Variants in GTF2A1L observed in about 807,000 individuals in gnomAD.
The protein encoded by GTF2A1L is general transcription factor IIA subunit 1 like.
In GTF2A1L, 48 loss-of-function variants were observed where a neutral mutation model predicts 49.7. The ratio of observed to expected loss-of-function variants is 0.97; its 90% CI spans 0.77 to 1.23. The LOEUF (loss-of-function observed/expected upper bound fraction) is 1.23. Among genes scored for constraint, GTF2A1L ranks in the 50% most tolerant of loss-of-function variants. The pLI, the probability that GTF2A1L is intolerant of heterozygous loss-of-function variation, is 0.00. For missense variants in GTF2A1L, 736 were observed against 564.8 expected (o/e 1.30, Z -3.07); for synonymous variants, 246 against 193.5 (o/e 1.27, Z -2.25).
At chr2:48,659,326 A>G (rs578054793) in intron 6 of GTF2A1L, among the ~76,000 whole-genome samples, 1 of 152,278 alleles carries the variant, frequency 6.6e-6, no homozygotes, top group Non-Finnish European at 1.5e-5. Flanking sequence ...AGTAATTCAT[A>G]TATTTGATTG....
At chr2:48,658,205 A>C (rs552309720) in intron 6 of GTF2A1L, among the ~76,000 whole-genome samples, 56 of 152,106 alleles carry the variant, frequency 3.7e-4, no homozygotes, top group African/African-American at 1.3e-3. Flanking sequence ...GTGTTTCTCA[A>C]GTTTTTTCTA....
At chr2:48,624,494 G>C (rs1414983800) in intron 3 of GTF2A1L, among the ~76,000 whole-genome samples, 1 of 142,630 alleles carries the variant, frequency 7.0e-6, no homozygotes, top group Non-Finnish European at 1.6e-5. Context: ...ATAGTGAAGA[G>C]GTTGGTATAG....
intron 6 of GTF2A1L, among the ~76,000 whole-genome samples, chr2:48,666,560 T>G (rs1678852569): frequency 6.6e-6 from 1 of 151,492 alleles, no homozygotes; most frequent in Admixed American, 6.6e-5. Flanking sequence ...TTATATTCAA[T>G]ATAGTTATTA....
At chr2:48,652,923 T>C (rs995882611) in intron 6 of GTF2A1L, among the ~76,000 whole-genome samples, 1 of 151,614 alleles carries the variant, frequency 6.6e-6, no homozygotes, top group Non-Finnish European at 1.5e-5. Flanking sequence ...CTCGAACTAA[T>C]TGACTTTAAA....
At chr2:48,676,699 A>G (rs1045513516) in intron 8 of GTF2A1L, among the ~76,000 whole-genome samples, 3 of 151,612 alleles carry the variant, frequency 2.0e-5, no homozygotes, top group African/African-American at 7.2e-5. Context: ...TGGATCTGTC[A>G]ATCTTTAATT....
chr2:48,655,412 A>G (rs1678115830), intron 6 of GTF2A1L, among the ~76,000 whole-genome samples: 1 of 152,194 alleles, frequency 6.6e-6, no homozygotes, highest in Admixed American at 6.5e-5. Context: ...GTTTGTCTCA[A>G]ATGCCTGGCC....
chr2:48,661,247 CTTTTTTTTTTTTTTTT>C (rs70946820), intron 6 of GTF2A1L, among the ~76,000 whole-genome samples: 1 of 62,750 alleles, frequency 1.6e-5, no homozygotes, highest in African/African-American at 7.7e-5. Flanking sequence ...CATCCCCAAA[CTTTTTTTTTTTTTTTT>C]TTTTTTTTTT....
chr2:48,618,148 C>A, intron 1 of GTF2A1L: 1 of 506,858 alleles, frequency 2.0e-6, no homozygotes, highest in African/African-American at 1.9e-5. Context: ...CAAACTGAGG[C>A]TATCTAGTTG....
intron 7 of GTF2A1L, 36 bp from the exon 8 acceptor site, chr2:48,671,555 A>C (rs562527558): frequency 1.5e-5 from 24 of 1,594,170 alleles, no homozygotes; most frequent in Non-Finnish European, 2.0e-5. Flanking sequence ...TTAAAGCATC[A>C]TAAAATTCCT....
intron 6 of GTF2A1L, among the ~76,000 whole-genome samples, chr2:48,648,450 A>T (rs1479262473): frequency 2.6e-5 from 4 of 152,050 alleles, no homozygotes; most frequent in Admixed American, 6.6e-5. Context: ...ATTGTATGTC[A>T]TCATGTACTT....
chr2:48,671,233 C>T (rs913114662), intron 7 of GTF2A1L, among the ~76,000 whole-genome samples: 2 of 150,020 alleles, frequency 1.3e-5, no homozygotes, highest in African/African-American at 4.9e-5. Context: ...GATGGAGTCT[C>T]GCTCTGTCGC....
intron 3 of GTF2A1L, among the ~76,000 whole-genome samples, chr2:48,638,505 C>T (rs547425129): frequency 7.9e-5 from 12 of 152,244 alleles, no homozygotes; most frequent in Non-Finnish European, 1.3e-4. Context: ...GCAGAAAAGG[C>T]TTTAGATAAA....
chr2:48,636,153 A>G (rs1676874919), intron 3 of GTF2A1L, among the ~76,000 whole-genome samples: 1 of 152,086 alleles, frequency 6.6e-6, no homozygotes, highest in African/African-American at 2.4e-5. Context: ...TTTATTTACT[A>G]TTTTGTTATT....
At chr2:48,640,889 C>T (rs989694445) in intron 3 of GTF2A1L, among the ~76,000 whole-genome samples, 1 of 146,366 alleles carries the variant, frequency 6.8e-6, no homozygotes, top group Non-Finnish European at 1.5e-5. Context: ...TTTATATGTT[C>T]AAGTATATAA....
chr2:48,663,447 A>G (rs1000963682), intron 6 of GTF2A1L, among the ~76,000 whole-genome samples: 1 of 152,114 alleles, frequency 6.6e-6, no homozygotes, highest in Non-Finnish European at 1.5e-5. Flanking sequence ...ATCAATCTGA[A>G]TCAATCTCAA....
intron 8 of GTF2A1L, among the ~76,000 whole-genome samples, chr2:48,675,707 A>G (rs1435558016): frequency 6.6e-6 from 1 of 152,000 alleles, no homozygotes; most frequent in Non-Finnish European, 1.5e-5. Flanking sequence ...ATGTGAAACC[A>G]TTTGAATATC....
Position 48,647,218 on chromosome 2 carries a change from A to G in GTF2A1L, c.978+176A>G, listed in dbSNP as rs185289271. 19 of 565,530 alleles carry G rather than the reference A, an allele frequency of 3.4e-5. No individual in the cohort carries two copies. The East Asian group carries it at 6.0e-4, about 18-fold the overall frequency. The allele number at this position is 565,530 out of a possible 1,614,324, so 35.0% of individuals were successfully genotyped here. A position where few individuals can be genotyped will look rare whatever the true frequency, so the allele number is the denominator to read the frequency against. ...AAAAAATTTTTAATTGTGATAAAAT[A>G]CACGTAACATAAAGTTTACCAACTT... is the stretch of plus-strand genomic sequence containing the variant. On this transcript the variant is annotated intron_variant, in intron 6 of 8. Coordinates refer to ENST00000403751, the MANE Select transcript of GTF2A1L (RefSeq NM_006872.5).
intron 3 of GTF2A1L, among the ~76,000 whole-genome samples, chr2:48,622,812 C>T (rs12994052): frequency 0.13 from 19,084 of 144,662 alleles, 1,446 homozygotes; most frequent in African/African-American, 0.22. Context: ...CCAGCCTGGG[C>T]GACACAGTGA....
chr2:48,656,145 C>T (rs1047804491), intron 6 of GTF2A1L, among the ~76,000 whole-genome samples: 26 of 151,994 alleles, frequency 1.7e-4, no homozygotes, highest in Admixed American at 7.9e-4. Flanking sequence ...GTAAACATGG[C>T]GTACAAATAT....
Sources: gnomAD v4.1 joint callset for allele counts (sites outside exome capture counted in the v4.1 genomes callset) on GRCh38, gnomAD v4.1.1 for gene constraint, MANE v1.5 for transcripts, NCBI Gene and HGNC (gene_info 2026-07-23, HGNC 2026-07-21) for gene names.